ALMS1: variants seen among roughly 807,000 people sequenced by gnomAD.
ALMS1 encodes centrosome-associated protein ALMS1.
In ALMS1, 271 loss-of-function variants were observed where a neutral mutation model predicts 352.2. The ratio of observed to expected loss-of-function variants is 0.77; its 90% CI spans 0.70 to 0.85. The LOEUF (loss-of-function observed/expected upper bound fraction) is 0.85. Ranked by LOEUF, ALMS1 falls within the 40% of genes least tolerant of loss-of-function variation. The pLI is 0.00. For synonymous variants in ALMS1, 1,865 were observed against 1,761.2 expected (o/e 1.06, Z -1.48); for missense variants, 5,445 against 4,870.7 (o/e 1.12, Z -3.51).
At chr2:73,496,243 AG>A (rs1673104131) in intron 10 of ALMS1, among the ~76,000 whole-genome samples, 1 of 152,162 alleles carries the variant, frequency 6.6e-6, no homozygotes, top group South Asian at 2.1e-4. Context: ...CTTTGGAGAC[AG>A]TCTTTCCTCT....
intron 9 of ALMS1, among the ~76,000 whole-genome samples, chr2:73,482,146 G>T (rs1672722448): frequency 6.6e-6 from 1 of 152,180 alleles, no homozygotes; most frequent in Non-Finnish European, 1.5e-5. Context: ...GGGCATCCCT[G>T]TCTTGTGCCG....
At chr2:73,600,061 T>C (rs1322076452) in intron 17 of ALMS1, among the ~76,000 whole-genome samples, 4 of 152,230 alleles carry the variant, frequency 2.6e-5, no homozygotes, top group African/African-American at 4.8e-5. Context: ...AGGCATGTAA[T>C]TGATTTTAAG....
chr2:73,431,865 A>C (rs1188682378), intron 6 of ALMS1, among the ~76,000 whole-genome samples: 1 of 152,178 alleles, frequency 6.6e-6, no homozygotes, highest in Non-Finnish European at 1.5e-5. Context: ...CGATGATCAT[A>C]AGGAGCAAAC....
chr2:73,471,491 G>GC (rs1464309939), intron 9 of ALMS1, among the ~76,000 whole-genome samples: 1 of 21,348 alleles, frequency 4.7e-5, no homozygotes, highest in South Asian at 9.8e-4. Context: ...CAACTCAACA[G>GC]CCAAAAAAAA....
chr2:73,463,239 A>G (rs1672247326), intron 9 of ALMS1, among the ~76,000 whole-genome samples: 1 of 152,272 alleles, frequency 6.6e-6, no homozygotes, highest in South Asian at 2.1e-4. Flanking sequence ...AAAAGAAATT[A>G]TAACAAACTA....
chr2:73,426,588 T>G (rs1225715597), intron 6 of ALMS1, 35 bp downstream of exon 6: 1 of 1,599,930 alleles, frequency 6.3e-7, no homozygotes, highest in Non-Finnish European at 8.6e-7. Flanking sequence ...GTAAGAAACG[T>G]GGCCTTTTTC....
Position 73,449,347 on chromosome 2 carries a change from G to A in ALMS1, c.2820G>A (p.Leu940=). ...TGAAGGTTTCAGCTGTTTCTGTATTGGCTGCCCAGAAGACTGGGACACCAA... is the reference window on the plus strand; with the variant it reads ...TGAAGGTTTCAGCTGTTTCTGTATTAGCTGCCCAGAAGACTGGGACACCAA... ...EALKVSAVSV[L]AAQKTGTPTV... Residue 940 remains leucine, a synonymous_variant, in exon 8 of 23, where the codon TTG becomes TTA. Coordinates refer to ENST00000613296, the MANE Select transcript of ALMS1 (RefSeq NM_001378454.1). 1 of 1,613,074 alleles carries A rather than the reference G, an allele frequency of 6.2e-7. No individual in the cohort carries two copies. Among genetic ancestry groups the A allele is most frequent in the Non-Finnish European group, 8.5e-7 (1 of 1,179,664 alleles).
intron 9 of ALMS1, among the ~76,000 whole-genome samples, chr2:73,467,050 A>C (rs1672368558): frequency 6.6e-6 from 1 of 152,044 alleles, no homozygotes; most frequent in Non-Finnish European, 1.5e-5. Flanking sequence ...GGTAAAATAA[A>C]GTTTCTTGAA....
rs538870861 is a variant in ALMS1 at position 73,428,486 on chromosome 2, G to T, written c.1338+1933G>T. Among the ~76,000 whole-genome samples the T allele has an allele frequency of 1.3e-4, 20 of 152,214 alleles. No individual in the cohort carries two copies. The South Asian group carries it at 4.2e-3, about 32-fold the overall frequency. ...CTAAAGTTGAGTTCAATAACAATGAGAAACAAAGTAACAACTTTTAAAGTG... is the reference window on the plus strand; with the variant it reads ...CTAAAGTTGAGTTCAATAACAATGATAAACAAAGTAACAACTTTTAAAGTG... On this transcript the variant is annotated intron_variant, in intron 6 of 22. Transcript: ENST00000613296.
chr2:73,432,160 CTT>C, intron 6 of ALMS1, 36 bp from the exon 7 acceptor site: 1 of 1,517,566 alleles, frequency 6.6e-7, no homozygotes, highest in South Asian at 1.1e-5. Flanking sequence ...ATTAATGAGT[CTT>C]TTTCATTTTT....
intron 10 of ALMS1, among the ~76,000 whole-genome samples, chr2:73,518,622 C>T (rs1242314075): frequency 6.6e-6 from 1 of 152,054 alleles, no homozygotes; most frequent in Non-Finnish European, 1.5e-5. Context: ...ACCTTGACAG[C>T]ATCTGTTATA....
At chr2:73,480,219 G>A (rs1052911018) in intron 9 of ALMS1, among the ~76,000 whole-genome samples, 2 of 151,380 alleles carry the variant, frequency 1.3e-5, no homozygotes, top group Non-Finnish European at 3.0e-5. Context: ...AATGCTATCC[G>A]TCCCCACTCC....
At position 73,419,260 on chromosome 2, in the gene ALMS1, G is replaced by A. The variant is rs1448744121; in HGVS notation, c.588G>A (p.Thr196=). ...DFPSLEEGIL[T]QSENQVKEPN... is the part of the protein sequence containing the mutation. Reference sequence around the variant, plus strand: ...CCTCTCTGGAGGAGGGCATATTGACGCAATCAGAAAATCAAGTAAAGGAAC... The same window carrying A: ...CCTCTCTGGAGGAGGGCATATTGACACAATCAGAAAATCAAGTAAAGGAAC... The change falls in exon 3 of 23, where the codon ACG becomes ACA. Residue 196 remains threonine, a synonymous_variant. Transcript: ENST00000613296. The A allele has an allele frequency of 2.5e-6, 4 of 1,613,870 alleles. No individual in the cohort carries two copies. The highest frequency in any genetic ancestry group is 2.2e-5 in the East Asian group (1 of 44,862).
In ALMS1 at chr2:73,573,105, G is replaced by A. The variant is rs1674978075; in HGVS notation, c.11228G>A (p.Ser3743Asn). Residue 3743 changes from serine (S) to asparagine (N), a missense_variant, in exon 16 of 23, where the codon AGT (serine) becomes AAT (asparagine). Ser to Asn is a conservative substitution (Grantham distance 46). Transcript: ENST00000613296. ...TCGGATTGTCGGCCCTCAGAGGAGAGTGAGCTGCTCACAGATACTACCACC... is the reference window on the plus strand; with the variant it reads ...TCGGATTGTCGGCCCTCAGAGGAGAATGAGCTGCTCACAGATACTACCACC... Reference protein sequence around the residue: ...TSSDCRPSEESELLTDTTTNI... With the variant: ...TSSDCRPSEENELLTDTTTNI... 6.2e-7 allele frequency: 1 copy of A among 1,613,934 alleles called. No individual in the cohort carries two copies. The highest frequency in any genetic ancestry group is 1.3e-5 in the African/African-American group (1 of 74,894).
At chr2:73,587,993 C>G (rs987902318) in intron 16 of ALMS1, among the ~76,000 whole-genome samples, 3 of 152,012 alleles carry the variant, frequency 2.0e-5, no homozygotes, top group African/African-American at 7.3e-5. Flanking sequence ...TCCGAACAGA[C>G]CAATAACAAG....
chr2:73,434,699 T>C (rs1558642944), intron 7 of ALMS1, among the ~76,000 whole-genome samples: 3 of 152,366 alleles, frequency 2.0e-5, no homozygotes, highest in Non-Finnish European at 4.4e-5. Flanking sequence ...CAACTCTTTT[T>C]GTTTAATTGT....
chr2:73,573,518 T>C, intron 16 of ALMS1, 94 bp downstream of exon 16: 1 of 1,315,286 alleles, frequency 7.6e-7, no homozygotes, highest in Non-Finnish European at 1.1e-6. Flanking sequence ...ACAAGCCATT[T>C]GCCCTTTCCT....
intron 16 of ALMS1, among the ~76,000 whole-genome samples, chr2:73,583,985 A>T (rs915218251): frequency 1.3e-5 from 2 of 152,080 alleles, no homozygotes; most frequent in African/African-American, 4.8e-5. Context: ...ATTTTTAATG[A>T]TTTCTTGCTA....
Position 73,557,337 on chromosome 2 carries a change from T to C in ALMS1, c.10196T>C (p.Leu3399Ser), listed in dbSNP as rs761118889. The C allele has an allele frequency of 1.2e-6, 2 of 1,614,012 alleles. No homozygotes were observed. Among genetic ancestry groups the C allele is most frequent in the African/African-American group, 1.3e-5 (1 of 74,928 alleles). ...GCCCAGGCTAAAGAAAAAGAATCTT[T>C]GCAGAAAGATACTGCAGGTAGCTAA... is the stretch of plus-strand genomic sequence containing the variant. ...EAAQAKEKES[L>S]QKDTADSSAA... The change falls in exon 14 of 23, where the codon TTG (leucine) becomes TCG (serine). Residue 3399 changes from leucine to serine, a missense_variant. Transcript: ENST00000613296.
Sources: gnomAD v4.1 joint callset for allele counts (sites outside exome capture counted in the v4.1 genomes callset) on GRCh38, gnomAD v4.1.1 for gene constraint, MANE v1.5 for transcripts, NCBI Gene and HGNC (gene_info 2026-07-23, HGNC 2026-07-21) for gene names.